The following DNAJC25 variants were observed in gnomAD, a reference collection of about 807,000 sequenced individuals.
DNAJC25 encodes dnaJ homolog subfamily C member 25.
In DNAJC25, 26 loss-of-function variants were observed where a neutral mutation model predicts 42.1. The observed-to-expected ratio is 0.62, with a 90% CI of 0.45 to 0.86. The LOEUF (loss-of-function observed/expected upper bound fraction) is 0.86, where lower values mean the gene tolerates loss of function less well. Among genes scored for constraint, DNAJC25 ranks in the 40% least tolerant of loss-of-function variants. The pLI is 0.00. For missense variants in DNAJC25, 404 were observed against 459.4 expected (o/e 0.88, Z 1.10); for synonymous variants, 189 against 179.9 (o/e 1.05, Z -0.40).
At chr9:111,636,888 G>A (rs966623732) in intron 1 of DNAJC25, among the ~76,000 whole-genome samples, 2 of 152,102 alleles carry the variant, frequency 1.3e-5, no homozygotes, top group African/African-American at 2.4e-5. Flanking sequence ...CTGTGAACCC[G>A]TAAATGTTAG....
In DNAJC25 at chr9:111,640,141, C is replaced by G. The variant is rs577156335; in HGVS notation, c.337-6966C>G. Among the ~76,000 whole-genome samples the G allele has an allele frequency of 4.0e-5, 6 of 149,790 alleles. No homozygotes were observed. In the East Asian group the frequency reaches 1.0e-3, roughly 25 times the overall value. ...CGGGGTTTCGCTGTGTTGGCCGGGC[C>G]GGTCTCCAGCCCCTAACCGCGAGTG... On this transcript the variant is annotated intron_variant, in intron 1 of 3. Coordinates refer to ENST00000313525, the MANE Select transcript of DNAJC25 (RefSeq NM_001015882.3).
intron 1 of DNAJC25, among the ~76,000 whole-genome samples, chr9:111,639,403 G>A (rs1354212268): frequency 6.6e-6 from 1 of 152,204 alleles, no homozygotes; most frequent in Non-Finnish European, 1.5e-5. Flanking sequence ...TTTAGAAAAT[G>A]TTCAGGACAT....
Position 111,631,852 on chromosome 9 carries a change from A to G in DNAJC25, c.336+109A>G, listed in dbSNP as rs1169050151. 24 of 1,397,078 alleles carry G rather than the reference A, an allele frequency of 1.7e-5. No homozygotes were observed. The Middle Eastern group carries it at 1.1e-3, about 67-fold the overall frequency. The allele number at this position is 1,397,078 out of a possible 1,614,324, so 86.5% of individuals were successfully genotyped here. Reference sequence around the variant, plus strand: ...GGCCTCTGTGACCCCGAAACTGAGCACAGCCACCACCGCGACCTTTAAGAT... The same window carrying G: ...GGCCTCTGTGACCCCGAAACTGAGCGCAGCCACCACCGCGACCTTTAAGAT... On this transcript the variant is annotated intron_variant, in intron 1 of 3. Coordinates refer to ENST00000313525, the MANE Select transcript of DNAJC25 (RefSeq NM_001015882.3).
rs1265371591 is a variant in DNAJC25 at position 111,649,439 on chromosome 9, G to A, written c.490-14G>A. 1 of 1,555,928 alleles carries A rather than the reference G, an allele frequency of 6.4e-7. No homozygotes were observed. Among genetic ancestry groups the A allele is most frequent in the African/African-American group, 1.4e-5 (1 of 72,060 alleles). ...TAATGAAAATGACTCATTGTTCTCT[G>A]TTAATTATTCTAGTTTTTCAGCTGG... On this transcript the variant is annotated splice_polypyrimidine_tract_variant and intron_variant, in intron 2 of 3. Coordinates refer to ENST00000313525, the MANE Select transcript of DNAJC25 (RefSeq NM_001015882.3).
intron 1 of DNAJC25, chr9:111,643,152 A>G (rs934641357): frequency 1.3e-5 from 3 of 232,646 alleles, no homozygotes; most frequent in Admixed American, 4.8e-5. Context: ...GCATATTTTC[A>G]TAAACTATGA....
intron 1 of DNAJC25, among the ~76,000 whole-genome samples, chr9:111,638,332 T>C (rs1830395058): frequency 6.6e-6 from 1 of 152,188 alleles, no homozygotes; most frequent in Non-Finnish European, 1.5e-5. Flanking sequence ...CAAGCAATAA[T>C]GTGTTGCATT....
chr9:111,636,391 T>C (rs1228194824), intron 1 of DNAJC25, among the ~76,000 whole-genome samples: 1 of 152,218 alleles, frequency 6.6e-6, no homozygotes, highest in East Asian at 1.9e-4. Context: ...AAAAATGAAC[T>C]GCATGTATTA....
At chr9:111,634,993 C>T (rs1830342715) in intron 1 of DNAJC25, among the ~76,000 whole-genome samples, 2 of 152,160 alleles carry the variant, frequency 1.3e-5, no homozygotes, top group South Asian at 2.1e-4. Context: ...AACTTCAAAC[C>T]ATTATGATTT....
intron 1 of DNAJC25, among the ~76,000 whole-genome samples, chr9:111,641,150 G>A (rs1830453533): frequency 9.5e-6 from 1 of 105,300 alleles, no homozygotes; most frequent in Non-Finnish European, 1.8e-5. Flanking sequence ...CCCCCACCCG[G>A]CCAGCCGCCC....
chr9:111,632,294 T>G (rs1830295478), intron 1 of DNAJC25, among the ~76,000 whole-genome samples: 1 of 118,898 alleles, frequency 8.4e-6, no homozygotes, highest in African/African-American at 2.5e-5. Context: ...GGATAGTGAC[T>G]TATTATGTTG....
At chr9:111,647,326 A>T in intron 2 of DNAJC25, 67 bp downstream of exon 2, 2 of 1,531,918 alleles carry the variant, frequency 1.3e-6, no homozygotes, top group Non-Finnish European at 1.8e-6. Flanking sequence ...AGTGCTAGTC[A>T]TTAAAACCTA....
At chr9:111,631,883 C>A (rs369591573) in intron 1 of DNAJC25, 140 bp downstream of exon 1, 2 of 1,379,846 alleles carry the variant, frequency 1.4e-6, no homozygotes, top group African/African-American at 1.5e-5. Context: ...AAGATACTCA[C>A]GTTTCCCACG....
At chr9:111,650,379 A>G (rs1207569394) in intron 3 of DNAJC25, among the ~76,000 whole-genome samples, 12 of 151,898 alleles carry the variant, frequency 7.9e-5, no homozygotes, top group Admixed American at 7.9e-4. Context: ...AGCACAAGAT[A>G]TTCTGCGTAA....
Position 111,631,425 on chromosome 9 carries a change from C to G in DNAJC25, c.18C>G (p.Leu6=), listed in dbSNP as rs1249675556. ...GGCTGGGGATGGGGGCGCCGCTGCTCTCTCCCGGCTGGGGAGCCGGGGCTG... is the reference window on the plus strand; with the variant it reads ...GGCTGGGGATGGGGGCGCCGCTGCTGTCTCCCGGCTGGGGAGCCGGGGCTG... MGAPL[L]SPGWGAGAAG... Residue 6 remains leucine (L), a synonymous_variant, in exon 1 of 4, where the codon CTC becomes CTG. Coordinates refer to ENST00000313525, the MANE Select transcript of DNAJC25 (RefSeq NM_001015882.3). The G allele has an allele frequency of 3.0e-5, 39 of 1,292,540 alleles. No individual in the cohort carries two copies. Among genetic ancestry groups the G allele is most frequent in the Non-Finnish European group, 3.7e-5 (38 of 1,025,050 alleles). 80.1% of individuals were successfully genotyped at this position (1,292,540 alleles called of 1,614,324 possible).
chr9:111,631,479 G>A lies in DNAJC25; in HGVS notation c.72G>A (p.Ala24=). 1.5e-6 allele frequency: 2 copies of A among 1,321,966 alleles called. No homozygotes were observed. Among genetic ancestry groups the A allele is most frequent in the Non-Finnish European group, 1.9e-6 (2 of 1,042,492 alleles). 81.9% of individuals were successfully genotyped at this position (1,321,966 alleles called of 1,614,324 possible). A position where few individuals can be genotyped will look rare whatever the true frequency, so the allele number is the denominator to read the frequency against. ...GCCGGCGCTGGTGGATGCTGCTGGC[G>A]CCCCTGCTGCCGGCGCTGCTGCTGG... The part of the protein sequence containing the change: ...AAGRRWWMLL[A]PLLPALLLVR... The change falls in exon 1 of 4, where the codon GCG becomes GCA. Residue 24 remains alanine (A), a synonymous_variant. Transcript: ENST00000313525.
intron 2 of DNAJC25, among the ~76,000 whole-genome samples, chr9:111,649,135 G>C (rs983736794): frequency 6.6e-6 from 1 of 152,092 alleles, no homozygotes; most frequent in Non-Finnish European, 1.5e-5. Flanking sequence ...AAGTGATCTA[G>C]GGAAGAGCCA....
At chr9:111,651,509 A>G (rs1433191666) in intron 3 of DNAJC25, among the ~76,000 whole-genome samples, 1 of 152,158 alleles carries the variant, frequency 6.6e-6, no homozygotes, top group Non-Finnish European at 1.5e-5. Context: ...TGGAAGTAAA[A>G]TAATTTCTTT....
chr9:111,640,950 TG>T (rs1179368195), intron 1 of DNAJC25, among the ~76,000 whole-genome samples: 2 of 68,014 alleles, frequency 2.9e-5, no homozygotes, highest in South Asian at 5.6e-4. Flanking sequence ...GGGAGGGAGG[TG>T]GGGGGGTCAG....
Position 111,649,743 on chromosome 9 carries a change from A to G in DNAJC25, c.780A>G (p.Ile260Met). 2 of 1,614,164 alleles carry G rather than the reference A, an allele frequency of 1.2e-6. No individual in the cohort carries two copies. Among genetic ancestry groups the G allele is most frequent in the Non-Finnish European group, 1.7e-6 (2 of 1,180,032 alleles). ...ILAPFHLCSY[I>M]VWYCRWIYNF... Reference sequence around the variant, plus strand: ...CTCCTTTTCACCTATGCTCATATATAGTTTGGTATTGTCGGTGGATCTATA... The same window carrying G: ...CTCCTTTTCACCTATGCTCATATATGGTTTGGTATTGTCGGTGGATCTATA... Residue 260 changes from isoleucine (I) to methionine (M), a missense_variant, in exon 3 of 4, where the codon ATA becomes ATG. Physicochemically the swap from Ile to Met is conservative, Grantham distance 10. Transcript: ENST00000313525.
Sources: allele counts gnomAD v4.1 joint callset (sites outside exome capture counted in the v4.1 genomes callset), GRCh38; gene constraint gnomAD v4.1.1; transcripts MANE v1.5; gene names NCBI Gene and HGNC (gene_info 2026-07-23, HGNC 2026-07-21).